The following SPAG16 variants were observed in gnomAD, a reference collection of about 807,000 sequenced individuals.
The protein encoded by SPAG16 is sperm-associated antigen 16 protein.
Under a neutral mutation model 80.4 loss-of-function variants are expected in SPAG16, and 86 were observed. The observed-to-expected ratio is 1.07, with a 90% CI of 0.90 to 1.28. The LOEUF (loss-of-function observed/expected upper bound fraction) is 1.28, where lower values mean the gene tolerates loss of function less well. Ranked by LOEUF, SPAG16 falls within the 50% of genes most tolerant of loss-of-function variation. The probability of loss-of-function intolerance (pLI) is 0.00; values close to 1 mark genes in which losing one functional copy is unlikely to be tolerated. For synonymous variants in SPAG16, 294 were observed against 265.9 expected (o/e 1.11, Z -1.03); for missense variants, 870 against 765.3 (o/e 1.14, Z -1.61).
intron 10 of SPAG16, among the ~76,000 whole-genome samples, chr2:213,747,513 T>G (rs1290171736): frequency 6.6e-6 from 1 of 152,232 alleles, no homozygotes; most frequent in African/African-American, 2.4e-5. Flanking sequence ...TCATAGTAAG[T>G]GCTCAATATG....
chr2:214,154,130 T>C (rs1388740962), intron 15 of SPAG16, among the ~76,000 whole-genome samples: 1 of 152,190 alleles, frequency 6.6e-6, no homozygotes, highest in African/African-American at 2.4e-5. Context: ...CATTCAAAAA[T>C]TTATTGCTAT....
At chr2:213,291,633 A>G (rs1175731011) in intron 1 of SPAG16, among the ~76,000 whole-genome samples, 3 of 152,186 alleles carry the variant, frequency 2.0e-5, no homozygotes, top group Admixed American at 2.0e-4. Context: ...TATTAATATA[A>G]CACTTGAAAG....
At chr2:213,759,201 G>A (rs2068511122) in intron 10 of SPAG16, among the ~76,000 whole-genome samples, 1 of 152,074 alleles carries the variant, frequency 6.6e-6, no homozygotes, top group Non-Finnish European at 1.5e-5. Context: ...ACACTAGACA[G>A]TAACTTGAAG....
chr2:214,274,980 G>A (rs1448371224), intron 15 of SPAG16, among the ~76,000 whole-genome samples: 1 of 152,064 alleles, frequency 6.6e-6, no homozygotes, highest in Non-Finnish European at 1.5e-5. Flanking sequence ...CATGGCCTGT[G>A]ATTGGTGTAT....
chr2:214,277,502 T>G (rs1576659536), intron 15 of SPAG16, among the ~76,000 whole-genome samples: 1 of 152,314 alleles, frequency 6.6e-6, no homozygotes, highest in African/African-American at 2.4e-5. Context: ...ATGTTGATGC[T>G]GTTCCTTTCT....
chr2:213,693,438 C>A (rs935099887), intron 10 of SPAG16, among the ~76,000 whole-genome samples: 5 of 152,278 alleles, frequency 3.3e-5, no homozygotes, highest in Admixed American at 3.3e-4. Context: ...GCTTCGTAGA[C>A]AGAACTACTT....
At chr2:213,649,623 G>C (rs1169695883) in intron 10 of SPAG16, among the ~76,000 whole-genome samples, 2 of 152,068 alleles carry the variant, frequency 1.3e-5, no homozygotes, top group Admixed American at 1.3e-4. Context: ...CATCCAGGCG[G>C]TAGTGCAGTG....
chr2:213,420,285 T>G (rs1467228717), intron 9 of SPAG16, among the ~76,000 whole-genome samples: 1 of 152,248 alleles, frequency 6.6e-6, no homozygotes, highest in African/African-American at 2.4e-5. Flanking sequence ...TATGTATTGT[T>G]TGGAATAATC....
chr2:214,022,162 C>G (rs1311251823), intron 13 of SPAG16, among the ~76,000 whole-genome samples: 2 of 151,938 alleles, frequency 1.3e-5, no homozygotes, highest in Non-Finnish European at 2.9e-5. Context: ...AAAAGACAAG[C>G]CTTACCAATT....
intron 10 of SPAG16, among the ~76,000 whole-genome samples, chr2:213,841,171 G>A (rs1048302209): frequency 1.3e-5 from 2 of 152,092 alleles, no homozygotes; most frequent in African/African-American, 4.8e-5. Flanking sequence ...GGGAAAGAAA[G>A]AGTATGTTCA....
At chr2:213,596,360 T>C (rs2060885918) in intron 10 of SPAG16, among the ~76,000 whole-genome samples, 1 of 152,148 alleles carries the variant, frequency 6.6e-6, no homozygotes, top group Non-Finnish European at 1.5e-5. Context: ...TTATCTTTTC[T>C]TGAAATAACA....
In SPAG16 at chr2:213,980,725, T is replaced by TATATATATATAGAGAGAGAGAG. The variant is rs374274176; in HGVS notation, c.1401-33225_1401-33224insTATATATATAGAGAGAGAGAGA. Among the ~76,000 whole-genome samples the TATATATATATAGAGAGAGAGAG allele has an allele frequency of 4.5e-4, 47 of 103,984 alleles. 1 individual carries two copies. Among genetic ancestry groups the TATATATATATAGAGAGAGAGAG allele is most frequent in the South Asian group, 2.2e-3 (6 of 2,690 alleles). The allele number at this position is 103,984 out of a possible 152,430, so 68.2% of individuals were successfully genotyped here. ...GTGTGTGTGTGTGTATATATATATA[T>TATATATATATAGAGAGAGAGAG]AGAGAGAGAGAGAGAGAGAGAGAGA... On this transcript the variant is annotated intron_variant, in intron 12 of 15. Coordinates refer to ENST00000331683, the MANE Select transcript of SPAG16 (RefSeq NM_024532.5).
intron 11 of SPAG16, among the ~76,000 whole-genome samples, chr2:213,888,000 A>T: frequency 6.6e-6 from 1 of 151,972 alleles, no homozygotes; most frequent in South Asian, 2.1e-4. Context: ...CAAAAATTCA[A>T]TGTTTTTGAG....
At chr2:213,508,608 T>A (rs1166492851) in intron 10 of SPAG16, among the ~76,000 whole-genome samples, 1 of 152,042 alleles carries the variant, frequency 6.6e-6, no homozygotes, top group Non-Finnish European at 1.5e-5. Flanking sequence ...TGAGTTCATG[T>A]CCTTTGTAGG....
rs1460150558 is a variant in SPAG16, at chr2:213,310,134, A to G, written c.355A>G (p.Lys119Glu). 5 of 1,611,766 alleles carry G rather than the reference A, an allele frequency of 3.1e-6. No homozygotes were observed. Among genetic ancestry groups the G allele is most frequent in the Non-Finnish European group, 4.2e-6 (5 of 1,178,540 alleles). ...IEDFLCNFLI[K>E]MGMTRTLDCF... ...AGACTTTCTCTGCAATTTCTTGATC[A>G]AAATGGGAATGACCAGAACTCTTGA... Residue 119 changes from lysine to glutamate, a missense_variant, in exon 4 of 16, where the codon AAA becomes GAA. Coordinates refer to ENST00000331683, the MANE Select transcript of SPAG16 (RefSeq NM_024532.5).
intron 10 of SPAG16, among the ~76,000 whole-genome samples, chr2:213,632,641 T>C (rs952910895): frequency 1.3e-5 from 2 of 152,134 alleles, no homozygotes; most frequent in African/African-American, 4.8e-5. Context: ...TGAGGTATAT[T>C]CCTTCTATCT....
At chr2:213,969,868 T>TA (rs35678406) in intron 12 of SPAG16, among the ~76,000 whole-genome samples, 12 of 151,770 alleles carry the variant, frequency 7.9e-5, no homozygotes, top group South Asian at 4.2e-4. Context: ...ATTTAACAGT[T>TA]AAAAAAAAGG....
At chr2:213,376,757 A>G (rs1002981144) in intron 9 of SPAG16, among the ~76,000 whole-genome samples, 3 of 152,152 alleles carry the variant, frequency 2.0e-5, no homozygotes, top group African/African-American at 7.2e-5. Flanking sequence ...TCTATTTTCT[A>G]TGCTATGTCT....
intron 11 of SPAG16, among the ~76,000 whole-genome samples, chr2:213,889,278 C>A (rs1471478108): frequency 1.3e-5 from 2 of 151,758 alleles, no homozygotes; most frequent in African/African-American, 4.8e-5. Context: ...ATAAATATAT[C>A]ATCTAAAAGA....
Sources: gnomAD v4.1 joint callset for allele counts (sites outside exome capture counted in the v4.1 genomes callset) on GRCh38, gnomAD v4.1.1 for gene constraint, MANE v1.5 for transcripts, NCBI Gene and HGNC (gene_info 2026-07-23, HGNC 2026-07-21) for gene names.